Variants in BCKDHB observed in about 807,000 individuals in gnomAD.
The protein encoded by BCKDHB is branched chain keto acid dehydrogenase E1 subunit beta, also known as 2-oxoisovalerate dehydrogenase subunit beta, mitochondrial.
In BCKDHB, 41 loss-of-function variants were observed where a neutral mutation model predicts 48.5. The observed-to-expected ratio is 0.85, with a 90% CI of 0.66 to 1.10. BCKDHB has a LOEUF of 1.10. Among genes scored for constraint, BCKDHB ranks in the 50% least tolerant of loss-of-function variants. The pLI, the probability that BCKDHB is intolerant of heterozygous loss-of-function variation, is 0.00. For missense variants in BCKDHB, 496 were observed against 494.2 expected, an observed-to-expected ratio of 1.00 and a Z score of -0.03; for synonymous variants, 201 against 174.8, an observed-to-expected ratio of 1.15 and a Z score of -1.18.
intron 9 of BCKDHB, among the ~76,000 whole-genome samples, chr6:80,311,763 C>T (rs1768176642): frequency 6.6e-6 from 1 of 152,088 alleles, no homozygotes; most frequent in Non-Finnish European, 1.5e-5. Flanking sequence ...TCTGGGTTCT[C>T]TATTGTGTTT....
chr6:80,355,669 C>T, the BCKDHB span: 1 of 152,002 alleles, frequency 6.6e-6, no homozygotes, highest in Admixed American at 6.6e-5. Context: ...AAAAATCTGT[C>T]CCAAAGGCTA....
chr6:80,336,143 T>C (rs1769581673), intron 9 of BCKDHB, among the ~76,000 whole-genome samples: 1 of 151,968 alleles, frequency 6.6e-6, no homozygotes, highest in Non-Finnish European at 1.5e-5. Context: ...TCTAAATTAA[T>C]ACATAAATTA....
chr6:80,237,833 A>G (rs556955754), intron 8 of BCKDHB, among the ~76,000 whole-genome samples: 2 of 152,230 alleles, frequency 1.3e-5, no homozygotes, highest in African/African-American at 2.4e-5. Flanking sequence ...TGTTATTTAC[A>G]TAAGTAGAAA....
the BCKDHB span, among the ~76,000 whole-genome samples, chr6:80,384,939 G>A: frequency 8.5e-5 from 13 of 152,246 alleles, no homozygotes; most frequent in Admixed American, 5.2e-4. Context: ...AGGACTATAC[G>A]TCTAATAGTA....
At chr6:80,152,211 GA>G (rs953092995) in intron 3 of BCKDHB, among the ~76,000 whole-genome samples, 1 of 148,938 alleles carries the variant, frequency 6.7e-6, no homozygotes, top group African/African-American at 2.5e-5. Context: ...ACATTAATTT[GA>G]AAAACTACAT....
At chr6:80,204,252 T>C (rs1774532124) in intron 8 of BCKDHB, among the ~76,000 whole-genome samples, 2 of 152,100 alleles carry the variant, frequency 1.3e-5, no homozygotes, top group South Asian at 4.1e-4. Context: ...TTTTATAATT[T>C]AGTAGAAGAT....
rs1770044168 is a variant in BCKDHB at position 80,343,787 on chromosome 6, AAAATGATC to A, written c.1165_1172del (p.Met389LeufsTer5). ...ATGGAAGTGTTATGATGCCCTTCGAAAAATGATCAACTATTGACCATATAGGTAGGTAT... is the reference window on the plus strand; with the variant it reads ...ATGGAAGTGTTATGATGCCCTTCGAAAACTATTGACCATATAGGTAGGTAT... On this transcript the variant is annotated frameshift_variant, in exon 10 of 10. Transcript: ENST00000320393. LOFTEE classifies it high-confidence loss of function. 2 of 1,613,960 alleles carry A rather than the reference AAAATGATC, an allele frequency of 1.2e-6. No homozygotes were observed. The highest frequency in any genetic ancestry group is 1.7e-6 in the Non-Finnish European group (2 of 1,179,960).
chr6:80,412,350 T>G, the BCKDHB span, among the ~76,000 whole-genome samples: 1 of 152,062 alleles, frequency 6.6e-6, no homozygotes, highest in Non-Finnish European at 1.5e-5. Flanking sequence ...TTTCACCATG[T>G]TGGCCAGTCT....
At position 80,151,228 on chromosome 6, in the gene BCKDHB, G is replaced by C. The variant is rs561266505; in HGVS notation, c.344-16450G>C. 3.1e-4 allele frequency among the ~76,000 whole-genome samples: 47 copies of C among 152,136 alleles called. 1 individual carries two copies. The Middle Eastern group carries it at 0.01, about 33-fold the overall frequency. On this transcript the variant is annotated intron_variant, in intron 3 of 9. Transcript: ENST00000320393. ...TGATTCTATTTTTATTTACTCATTG[G>C]AGTGTGAACTAGAAAAATACTATAC...
the BCKDHB span, among the ~76,000 whole-genome samples, chr6:80,446,152 C>T: frequency 6.6e-5 from 10 of 152,074 alleles, no homozygotes; most frequent in South Asian, 2.1e-4. Context: ...AAATAATTTC[C>T]GGAATTAGTG....
chr6:80,231,312 A>G (rs1775913527), intron 8 of BCKDHB, among the ~76,000 whole-genome samples: 1 of 152,266 alleles, frequency 6.6e-6, no homozygotes, highest in Non-Finnish European at 1.5e-5. Context: ...CAAGGCAGAA[A>G]ATATAGAAGC....
At chr6:80,385,796 A>T in the BCKDHB span, among the ~76,000 whole-genome samples, 1 of 152,208 alleles carries the variant, frequency 6.6e-6, no homozygotes, top group Non-Finnish European at 1.5e-5. Flanking sequence ...TCGAATTTAT[A>T]TAAACAGGAA....
At chr6:80,254,852 G>A (rs1776983638) in intron 8 of BCKDHB, among the ~76,000 whole-genome samples, 1 of 152,142 alleles carries the variant, frequency 6.6e-6, no homozygotes, top group Non-Finnish European at 1.5e-5. Flanking sequence ...GCTTGATTTT[G>A]GACTTTTGGC....
the BCKDHB span, among the ~76,000 whole-genome samples, chr6:80,376,700 G>T: frequency 6.6e-6 from 1 of 152,140 alleles, no homozygotes; most frequent in African/African-American, 2.4e-5. Context: ...TATCTGTAAA[G>T]AACATAGCAT....
chr6:80,122,840 C>G (rs1404500449), intron 1 of BCKDHB, among the ~76,000 whole-genome samples: 2 of 152,062 alleles, frequency 1.3e-5, no homozygotes, highest in African/African-American at 2.4e-5. Flanking sequence ...CACAAATTTA[C>G]CAGCTTGGAG....
chr6:80,352,827 G>C, the BCKDHB span, among the ~76,000 whole-genome samples: 2 of 152,122 alleles, frequency 1.3e-5, no homozygotes, highest in Admixed American at 6.5e-5. Context: ...TTGAATGCTG[G>C]CAGCCTTCCC....
chr6:80,352,369 A>C, the BCKDHB span, among the ~76,000 whole-genome samples: 1 of 152,284 alleles, frequency 6.6e-6, no homozygotes, highest in South Asian at 2.1e-4. Flanking sequence ...ATATTGAGGA[A>C]TGCTGCAATG....
At chr6:80,223,424 G>T (rs1173882814) in intron 8 of BCKDHB, among the ~76,000 whole-genome samples, 1 of 152,072 alleles carries the variant, frequency 6.6e-6, no homozygotes, top group Non-Finnish European at 1.5e-5. Context: ...ATGTCATTAA[G>T]TCATCTTCTG....
intron 3 of BCKDHB, among the ~76,000 whole-genome samples, chr6:80,141,218 C>A (rs568007299): frequency 1.3e-5 from 2 of 151,658 alleles, no homozygotes; most frequent in Non-Finnish European, 2.9e-5. Flanking sequence ...GTCTTGCTAG[C>A]GGTCTATCAA....
Sources: allele counts gnomAD v4.1 joint callset (sites outside exome capture counted in the v4.1 genomes callset), GRCh38; gene constraint gnomAD v4.1.1; transcripts MANE v1.5; gene names NCBI Gene and HGNC (gene_info 2026-07-23, HGNC 2026-07-21).